Variants in HADHB observed in about 807,000 individuals in gnomAD.
The protein encoded by HADHB is hydroxyacyl-CoA dehydrogenase trifunctional multienzyme complex subunit beta, also known as trifunctional enzyme subunit beta, mitochondrial.
Under a neutral mutation model 61.9 loss-of-function variants are expected in HADHB, and 50 were observed. The ratio of observed to expected loss-of-function variants is 0.81; its 90% CI spans 0.64 to 1.02. HADHB has a LOEUF of 1.02. HADHB is among the 50% of genes least tolerant of loss of function. HADHB has a pLI of 0.00. For missense variants in HADHB, 504 were observed against 586.5 expected, an observed-to-expected ratio of 0.86 and a Z score of 1.45; for synonymous variants, 191 against 201.6, an observed-to-expected ratio of 0.95 and a Z score of 0.45.
At chr2:26,274,074 A>G (rs553678270) in intron 6 of HADHB, among the ~76,000 whole-genome samples, 2 of 152,252 alleles carry the variant, frequency 1.3e-5, no homozygotes, top group Non-Finnish European at 2.9e-5. Context: ...AATGTTAGAT[A>G]TCATGGCTTC....
At chr2:26,279,955 G>T (rs1245054408) in intron 9 of HADHB, 39 bp from the exon 10 acceptor site, 9 of 1,491,524 alleles carry the variant, frequency 6.0e-6, no homozygotes, top group Non-Finnish European at 8.4e-6. Context: ...TATAAGGCTT[G>T]TGGTTCCATA....
intron 1 of HADHB, among the ~76,000 whole-genome samples, chr2:26,246,345 A>G (rs1470620173): frequency 1.4e-5 from 2 of 142,790 alleles, no homozygotes; most frequent in Non-Finnish European, 3.1e-5. Context: ...TTTTGTTTAC[A>G]ACTTTTTTTT....
intron 1 of HADHB, among the ~76,000 whole-genome samples, chr2:26,250,488 C>A (rs1230148099): frequency 6.6e-6 from 1 of 151,816 alleles, no homozygotes; most frequent in Non-Finnish European, 1.5e-5. Flanking sequence ...TTCTGTTGTA[C>A]TTCTGGGTTT....
At chr2:26,259,241 A>G (rs947380191) in intron 3 of HADHB, among the ~76,000 whole-genome samples, 16 of 152,138 alleles carry the variant, frequency 1.1e-4, no homozygotes, top group Admixed American at 5.9e-4. Flanking sequence ...GACAGATGAA[A>G]TGAGTACTCA....
In HADHB at chr2:26,267,631, A is replaced by G. The variant is rs111840709; in HGVS notation, c.210-2322A>G. ...TACTAAAAATACAAAAATTAGCTGG[A>G]TTTGGTGGCAGGCGCCTATAATCCC... On this transcript the variant is annotated intron_variant, in intron 4 of 15. Transcript: ENST00000317799. 6.3e-3 allele frequency among the ~76,000 whole-genome samples: 953 copies of G among 151,512 alleles called. 8 individuals carry two copies. Among genetic ancestry groups the G allele is most frequent in the African/African-American group, 0.022 (891 of 41,310 alleles).
chr2:26,257,059 G>A (rs1339341016), intron 3 of HADHB, among the ~76,000 whole-genome samples: 1 of 150,934 alleles, frequency 6.6e-6, no homozygotes, highest in African/African-American at 2.4e-5. Context: ...ATGGGTTCAT[G>A]TACCTGATTG....
chr2:26,270,537 T>C (rs1476824261), intron 5 of HADHB, among the ~76,000 whole-genome samples: 1 of 152,216 alleles, frequency 6.6e-6, no homozygotes, highest in Non-Finnish European at 1.5e-5. Context: ...TTGACCTTTC[T>C]GTCCATTCTA....
intron 1 of HADHB, among the ~76,000 whole-genome samples, chr2:26,248,870 A>G (rs979917579): frequency 2.0e-5 from 3 of 152,220 alleles, no homozygotes; most frequent in Admixed American, 1.3e-4. Context: ...CAGCCTGGCC[A>G]ACATGGTGAA....
intron 1 of HADHB, among the ~76,000 whole-genome samples, chr2:26,249,999 T>C (rs1249024193): frequency 1.3e-5 from 2 of 152,084 alleles, no homozygotes; most frequent in Non-Finnish European, 2.9e-5. Flanking sequence ...AGATTGTTTC[T>C]GTTTTTCTTT....
chr2:26,274,167 C>T (rs1672454021), intron 6 of HADHB, among the ~76,000 whole-genome samples: 1 of 152,200 alleles, frequency 6.6e-6, no homozygotes. Context: ...CTTGCTTACT[C>T]ATTTGTTCCC....
intron 3 of HADHB, among the ~76,000 whole-genome samples, chr2:26,258,778 C>T (rs893073001): frequency 6.6e-6 from 1 of 152,198 alleles, no homozygotes; most frequent in Non-Finnish European, 1.5e-5. Context: ...GTTTATATCC[C>T]AATCATTGTC....
rs1198341356 is a variant in HADHB, at chr2:26,263,457, C to A, written c.187C>A (p.Pro63Thr). The A allele has an allele frequency of 6.2e-7, 1 of 1,608,786 alleles. No homozygotes were observed. Among genetic ancestry groups the A allele is most frequent in the Admixed American group, 1.7e-5 (1 of 59,998 alleles). ...NVVVVDGVRT[P>T]FLLSGTSYKD... ...TGTGGTGGTGGATGGTGTTCGCACTCCATTTTTGCTGTCTGGCACTTCGTA... is the reference window on the plus strand; with the variant it reads ...TGTGGTGGTGGATGGTGTTCGCACTACATTTTTGCTGTCTGGCACTTCGTA... Residue 63 changes from proline to threonine, a missense_variant, in exon 4 of 16, where the codon CCA (proline) becomes ACA (threonine). Physicochemically the swap from Pro to Thr is conservative, Grantham distance 38. Coordinates refer to ENST00000317799, the MANE Select transcript of HADHB (RefSeq NM_000183.3).
intron 12 of HADHB, 148 bp from the exon 13 acceptor site, chr2:26,283,969 C>CT: frequency 1.6e-6 from 1 of 635,910 alleles, no homozygotes; most frequent in Non-Finnish European, 2.8e-6. Context: ...ACTATTTTAT[C>CT]TTTAACATTT....
chr2:26,281,572 T>C (rs1672791074), intron 10 of HADHB, among the ~76,000 whole-genome samples: 1 of 152,196 alleles, frequency 6.6e-6, no homozygotes, highest in African/African-American at 2.4e-5. Flanking sequence ...TTCCAGGGTA[T>C]GCTAAAGGTC....
At chr2:26,285,743 T>G (rs1157555983) in intron 15 of HADHB, among the ~76,000 whole-genome samples, 172 bp downstream of exon 15, 2 of 110,386 alleles carry the variant, frequency 1.8e-5, no homozygotes, top group South Asian at 3.1e-4. Flanking sequence ...TTTTGGGTTT[T>G]TTTTTTTTTT....
chr2:26,278,562 G>C lies in HADHB; in HGVS notation c.443-52G>C, dbSNP rs1022372780. On this transcript the variant is annotated intron_variant, in intron 7 of 15. Transcript: ENST00000317799. Reference sequence around the variant, plus strand: ...TAATCAAGAAGCTTAAATTGGAATGGTATGTTATTTTCTGTAAAAGATATT... The same window carrying C: ...TAATCAAGAAGCTTAAATTGGAATGCTATGTTATTTTCTGTAAAAGATATT... 1.0e-5 allele frequency: 14 copies of C among 1,398,792 alleles called. 1 individual carries two copies. The Admixed American group carries it at 2.3e-4, about 23-fold the overall frequency. The allele number at this position is 1,398,792 out of a possible 1,614,324, so 86.6% of individuals were successfully genotyped here.
At chr2:26,268,198 C>A (rs1474142938) in intron 4 of HADHB, among the ~76,000 whole-genome samples, 2 of 150,450 alleles carry the variant, frequency 1.3e-5, no homozygotes, top group Non-Finnish European at 3.0e-5. Flanking sequence ...CCACATAATA[C>A]TTGCTGCGAG....
At chr2:26,273,797 A>T in intron 6 of HADHB, 47 bp downstream of exon 6, 2 of 951,234 alleles carry the variant, frequency 2.1e-6, no homozygotes, top group Non-Finnish European at 3.5e-6. Context: ...TAGGAGAATC[A>T]CTTTGAATTT....
intron 1 of HADHB, among the ~76,000 whole-genome samples, chr2:26,251,595 T>A (rs1270134589): frequency 6.6e-6 from 1 of 152,220 alleles, no homozygotes; most frequent in Non-Finnish European, 1.5e-5. Flanking sequence ...GTAAGGGAAC[T>A]TGTAGCCCAG....
Sources: allele counts gnomAD v4.1 joint callset (sites outside exome capture counted in the v4.1 genomes callset), GRCh38; gene constraint gnomAD v4.1.1; transcripts MANE v1.5; gene names NCBI Gene and HGNC (gene_info 2026-07-23, HGNC 2026-07-21).